KIF24: variants seen among roughly 807,000 people sequenced by gnomAD.
The protein encoded by KIF24 is kinesin-like protein KIF24.
In KIF24, 81 loss-of-function variants were observed where a neutral mutation model predicts 118.9. That is an observed-to-expected ratio of 0.68 (90% CI 0.57 to 0.82). The LOEUF is 0.82. Ranked by LOEUF, KIF24 falls within the 40% of genes least tolerant of loss-of-function variation. The pLI, the probability that KIF24 is intolerant of heterozygous loss-of-function variation, is 0.00. For missense variants in KIF24, 1,560 were observed against 1,661.6 expected, an observed-to-expected ratio of 0.94 and a Z score of 1.06; for synonymous variants, 599 against 610.0, an observed-to-expected ratio of 0.98 and a Z score of 0.27.
At chr9:34,296,703 G>C (rs954994157) in intron 4 of KIF24, among the ~76,000 whole-genome samples, 2 of 149,290 alleles carry the variant, frequency 1.3e-5, no homozygotes, top group African/African-American at 2.4e-5. Context: ...GACTTTGATG[G>C]GATAATATTG....
At chr9:34,297,255 A>G in intron 3 of KIF24, 141 bp from the exon 4 acceptor site, 3 of 575,132 alleles carry the variant, frequency 5.2e-6, no homozygotes, top group Non-Finnish European at 9.3e-6. Context: ...TAAATAAGCA[A>G]TCACTATTAA....
At chr9:34,305,639 T>A (rs1344741805) in intron 3 of KIF24, among the ~76,000 whole-genome samples, 1 of 152,242 alleles carries the variant, frequency 6.6e-6, no homozygotes, top group Non-Finnish European at 1.5e-5. Flanking sequence ...ATCCTCCCTC[T>A]GTTGCCCAGG....
At chr9:34,316,559 C>G (rs772504238) in intron 1 of KIF24, among the ~76,000 whole-genome samples, 1 of 152,152 alleles carries the variant, frequency 6.6e-6, no homozygotes, top group African/African-American at 2.4e-5. Context: ...CTGAACACTT[C>G]ATATGGTTTA....
intron 3 of KIF24, among the ~76,000 whole-genome samples, chr9:34,297,890 G>A (rs1466098436): frequency 6.6e-6 from 1 of 152,074 alleles, no homozygotes; most frequent in Non-Finnish European, 1.5e-5. Flanking sequence ...GTAGGCACTT[G>A]AAGGGGCCCA....
intron 3 of KIF24, among the ~76,000 whole-genome samples, chr9:34,298,760 G>C (rs1239841502): frequency 1.3e-5 from 2 of 152,144 alleles, no homozygotes; most frequent in East Asian, 1.9e-4. Context: ...TTTGAGAACA[G>C]AGACACTAGT....
At position 34,257,494 on chromosome 9, in the gene KIF24, T is replaced by A; in HGVS notation, c.2113A>T (p.Lys705Ter). The change falls in exon 11 of 13, where the codon AAA becomes TAA. Residue 705 changes from lysine to a stop codon, truncating the protein, a stop_gained. Coordinates refer to ENST00000402558, the MANE Select transcript of KIF24 (RefSeq NM_194313.4). LOFTEE classifies it high-confidence loss of function. Reference sequence around the variant, plus strand: ...TGTACTGGCTGCACTGTCTGCACTTTCTTGCACTTGGTGGACAGCTTACCA... The same window carrying A: ...TGTACTGGCTGCACTGTCTGCACTTACTTGCACTTGGTGGACAGCTTACCA... ...VRGKLSTKCK[K>*]VQTVQPVQKQ... is the part of the protein sequence containing the mutation. The A allele has an allele frequency of 6.2e-7, 1 of 1,614,078 alleles. No individual in the cohort carries two copies. The highest frequency in any genetic ancestry group is 8.5e-7 in the Non-Finnish European group (1 of 1,179,900).
chr9:34,330,649 G>A (rs1431741797), upstream of KIF24, among the ~76,000 whole-genome samples: 1 of 152,198 alleles, frequency 6.6e-6, no homozygotes, highest in Non-Finnish European at 1.5e-5. Flanking sequence ...CACAACGCCT[G>A]GCGAGTAGTA....
At chr9:34,271,114 T>G (rs1212845612) in intron 7 of KIF24, among the ~76,000 whole-genome samples, 1 of 151,434 alleles carries the variant, frequency 6.6e-6, no homozygotes, top group Non-Finnish European at 1.5e-5. Flanking sequence ...GAAACATGAG[T>G]GTCAGCTTTC....
intron 8 of KIF24, among the ~76,000 whole-genome samples, chr9:34,268,508 T>C (rs1055600491): frequency 6.0e-5 from 4 of 66,354 alleles, no homozygotes; most frequent in African/African-American, 1.6e-4. Context: ...GGATTTTCTT[T>C]CTTTTTTTTT....
At chr9:34,275,252 G>A (rs1835616284) in intron 6 of KIF24, among the ~76,000 whole-genome samples, 1 of 152,072 alleles carries the variant, frequency 6.6e-6, no homozygotes, top group African/African-American at 2.4e-5. Context: ...AAATTAGCCA[G>A]GTATGGTGAT....
intron 5 of KIF24, among the ~76,000 whole-genome samples, chr9:34,287,949 C>T (rs1377147818): frequency 6.6e-6 from 1 of 151,674 alleles, no homozygotes; most frequent in Non-Finnish European, 1.5e-5. Flanking sequence ...ACTTTTAGAG[C>T]CCTGCTGTCA....
Position 34,271,905 on chromosome 9 carries a change from C to T in KIF24, c.1241G>A (p.Arg414His), listed in dbSNP as rs372042380. 18 of 1,602,722 alleles carry T rather than the reference C, an allele frequency of 1.1e-5. No homozygotes were observed. The highest frequency in any genetic ancestry group is 7.9e-5 in the South Asian group (7 of 89,170). Residue 414 changes from arginine to histidine, a missense_variant, in exon 7 of 13, where the codon CGC (arginine) becomes CAC (histidine). Transcript: ENST00000402558. Reference sequence around the variant, plus strand: ...ATTAACTCCAGTGGCCCCAGTGCTGCGCTCCTTGCTGCCCTTTAAGATCAC... The same window carrying T: ...ATTAACTCCAGTGGCCCCAGTGCTGTGCTCCTTGCTGCCCTTTAAGATCAC... ...LEVILKGSKE[R>H]STGATGVNAD...
chr9:34,330,907 G>A (rs1837906834), upstream of KIF24, among the ~76,000 whole-genome samples: 1 of 152,002 alleles, frequency 6.6e-6, no homozygotes, highest in Admixed American at 6.6e-5. Flanking sequence ...TTTGCAGAGA[G>A]CAGAGATCGC....
intron 8 of KIF24, among the ~76,000 whole-genome samples, chr9:34,268,509 CTTTTTTT>C (rs551412725): frequency 1.6e-5 from 2 of 123,570 alleles, no homozygotes; most frequent in African/African-American, 5.9e-5. Context: ...GATTTTCTTT[CTTTTTTT>C]TTTTTTTTTG....
chr9:34,324,345 C>A (rs1299564541), intron 1 of KIF24, among the ~76,000 whole-genome samples: 1 of 152,190 alleles, frequency 6.6e-6, no homozygotes, highest in Non-Finnish European at 1.5e-5. Context: ...AAATACCATT[C>A]ATGCAGTCAC....
chr9:34,294,306 G>C (rs972545937), intron 4 of KIF24, among the ~76,000 whole-genome samples: 6 of 151,938 alleles, frequency 3.9e-5, no homozygotes, highest in African/African-American at 1.5e-4. Context: ...TCCATTTCTA[G>C]GTTGTTACCC....
chr9:34,309,396 C>T (rs1837051808), intron 2 of KIF24, among the ~76,000 whole-genome samples: 1 of 151,938 alleles, frequency 6.6e-6, no homozygotes, highest in Admixed American at 6.6e-5. Context: ...AAAAAATTAG[C>T]CAGGCATAGT....
At chr9:34,278,704 C>A (rs189525864) in intron 6 of KIF24, among the ~76,000 whole-genome samples, 2 of 152,146 alleles carry the variant, frequency 1.3e-5, no homozygotes, top group South Asian at 2.1e-4. Context: ...CCTCTCACTG[C>A]CTCCTCCTTC....
chr9:34,311,661 CATATATACGTGTATATGTA>C (rs779445997), intron 1 of KIF24, among the ~76,000 whole-genome samples: 23,993 of 143,934 alleles, frequency 0.17, 2,304 homozygotes, highest in East Asian at 0.48. Flanking sequence ...CGTGTATATA[CATATATACGTGTATATGTA>C]TATATATACG....
Sources: allele counts gnomAD v4.1 joint callset (sites outside exome capture counted in the v4.1 genomes callset), GRCh38; gene constraint gnomAD v4.1.1; transcripts MANE v1.5; gene names NCBI Gene and HGNC (gene_info 2026-07-23, HGNC 2026-07-21).